ABRAXAS2: variants seen among roughly 807,000 people sequenced by gnomAD.
The protein encoded by ABRAXAS2 is BRISC complex subunit Abraxas 2.
Under a neutral mutation model 49.0 loss-of-function variants are expected in ABRAXAS2, and 23 were observed. That is an observed-to-expected ratio of 0.47 (90% CI 0.34 to 0.66). ABRAXAS2 has a LOEUF of 0.66. Ranked by LOEUF, ABRAXAS2 falls within the 30% of genes least tolerant of loss-of-function variation. ABRAXAS2 has a pLI of 0.01. For missense variants in ABRAXAS2, 443 were observed against 511.9 expected (o/e 0.87, Z 1.30); for synonymous variants, 168 against 180.2 (o/e 0.93, Z 0.54).
chr10:124,810,184 G>T (rs989258145), intron 2 of ABRAXAS2, among the ~76,000 whole-genome samples: 40 of 152,246 alleles, frequency 2.6e-4, no homozygotes, highest in African/African-American at 8.9e-4. Context: ...TGCCCTGGTG[G>T]ATCAAAACTA....
At chr10:124,820,311 G>A (rs1950854461) in intron 4 of ABRAXAS2, among the ~76,000 whole-genome samples, 1 of 152,132 alleles carries the variant, frequency 6.6e-6, no homozygotes, top group Non-Finnish European at 1.5e-5. Context: ...AACCAGGAAG[G>A]GGTGTTAAAG....
intron 4 of ABRAXAS2, among the ~76,000 whole-genome samples, chr10:124,823,821 C>T (rs1175625790): frequency 6.6e-6 from 1 of 152,196 alleles, no homozygotes. Flanking sequence ...CTAGTTTGTT[C>T]GTTAGCTCTA....
intron 1 of ABRAXAS2, among the ~76,000 whole-genome samples, 181 bp from the exon 2 acceptor site, chr10:124,806,650 A>G (rs577423547): frequency 7.2e-5 from 11 of 152,038 alleles, no homozygotes; most frequent in African/African-American, 2.7e-4. Context: ...GAACAATCCA[A>G]TTAATAGATA....
rs900549242 is a variant in ABRAXAS2, at chr10:124,816,091, C to T, written c.164-485C>T. Among the ~76,000 whole-genome samples, 8 of 151,750 alleles carry T rather than the reference C, an allele frequency of 5.3e-5. No homozygotes were observed. In the South Asian group the frequency reaches 8.3e-4, roughly 16 times the overall value. On this transcript the variant is annotated intron_variant, in intron 2 of 8. Transcript: ENST00000298492. The stretch of plus-strand genomic sequence containing the variant: ...CTAATTTTTGTATTTTTAGTAGAGA[C>T]GGGGTTTCACCATGTTGGCCAGACT...
chr10:124,810,688 T>C (rs537298202), intron 2 of ABRAXAS2, among the ~76,000 whole-genome samples: 3 of 151,304 alleles, frequency 2.0e-5, no homozygotes, highest in African/African-American at 7.3e-5. Context: ...GTTCGAGTGA[T>C]TGTCCTGCTT....
chr10:124,803,605 C>A (rs1198496505), intron 1 of ABRAXAS2, among the ~76,000 whole-genome samples: 1 of 152,166 alleles, frequency 6.6e-6, no homozygotes, highest in African/African-American at 2.4e-5. Flanking sequence ...ATAAAAGATT[C>A]AAGTGACTCT....
intron 2 of ABRAXAS2, among the ~76,000 whole-genome samples, chr10:124,816,250 T>G (rs1261506689): frequency 6.6e-6 from 1 of 152,194 alleles, no homozygotes; most frequent in Non-Finnish European, 1.5e-5. Context: ...AGTCAGTGGT[T>G]GCTTTTTCCC....
chr10:124,805,600 A>G (rs1030188138), intron 1 of ABRAXAS2, among the ~76,000 whole-genome samples: 1 of 152,220 alleles, frequency 6.6e-6, no homozygotes, highest in African/African-American at 2.4e-5. Flanking sequence ...TGGAGTTTAC[A>G]TTCTGGCAAG....
chr10:124,820,309 A>G (rs1000724174), intron 4 of ABRAXAS2, among the ~76,000 whole-genome samples: 1 of 152,168 alleles, frequency 6.6e-6, no homozygotes, highest in African/African-American at 2.4e-5. Flanking sequence ...CCAACCAGGA[A>G]GGGGTGTTAA....
chr10:124,802,081 GC>G (rs1950708724), intron 1 of ABRAXAS2, among the ~76,000 whole-genome samples, 180 bp downstream of exon 1: 1 of 152,146 alleles, frequency 6.6e-6, no homozygotes, highest in African/African-American at 2.4e-5. Context: ...GGGCTCCTTC[GC>G]CCCTGGGACA....
intron 1 of ABRAXAS2, among the ~76,000 whole-genome samples, chr10:124,802,587 C>G (rs1233983018): frequency 6.6e-6 from 1 of 152,142 alleles, no homozygotes; most frequent in Admixed American, 6.5e-5. Context: ...TGTGAGCCCA[C>G]AGGAGGAGCA....
chr10:124,811,817 C>G (rs1198239685), intron 2 of ABRAXAS2, among the ~76,000 whole-genome samples: 1 of 151,830 alleles, frequency 6.6e-6, no homozygotes, highest in East Asian at 1.9e-4. Flanking sequence ...CTTTTGTTGC[C>G]CAGGCTGGAA....
In ABRAXAS2 at chr10:124,834,796, TTCC is replaced by T; in HGVS notation, c.1080_1082del (p.Pro361del). On this transcript the variant is annotated inframe_deletion, in exon 9 of 9. Transcript: ENST00000298492. ...AAGTATCCTGGAAGTGGGGCTGACC[TTCC>T]TCCTCCCCAAAGAGCAGCTGGAGAC... The T allele has an allele frequency of 6.2e-7, 1 of 1,614,126 alleles. No homozygotes were observed. Among genetic ancestry groups the T allele is most frequent in the Non-Finnish European group, 8.5e-7 (1 of 1,180,030 alleles).
At chr10:124,826,837 G>C (rs1369086500) in intron 5 of ABRAXAS2, 52 bp downstream of exon 5, 1 of 1,570,320 alleles carries the variant, frequency 6.4e-7, no homozygotes, top group Admixed American at 1.7e-5. Flanking sequence ...GTTGGGACCA[G>C]GCGTGGTGGC....
At position 124,810,361 on chromosome 10, in the gene ABRAXAS2, A is replaced by G. The variant is rs1415983858; in HGVS notation, c.163+3440A>G. On this transcript the variant is annotated intron_variant, in intron 2 of 8. Transcript: ENST00000298492. ...GGCAAGGTGGCGAGACCCTGTCTCT[A>G]CAAGAAATTTTTATAATTAGCCAGG... Among the ~76,000 whole-genome samples the G allele has an allele frequency of 2.0e-5, 3 of 152,146 alleles. No individual in the cohort carries two copies. The East Asian group carries it at 5.8e-4, about 29-fold the overall frequency.
intron 8 of ABRAXAS2, among the ~76,000 whole-genome samples, chr10:124,831,971 G>A (rs1950936626): frequency 6.7e-6 from 1 of 148,750 alleles, no homozygotes; most frequent in Non-Finnish European, 1.5e-5. Flanking sequence ...TCCTGCCTCA[G>A]TCTCCCGAGT....
At chr10:124,825,865 A>G (rs1276763877) in intron 4 of ABRAXAS2, among the ~76,000 whole-genome samples, 1 of 152,168 alleles carries the variant, frequency 6.6e-6, no homozygotes, top group Non-Finnish European at 1.5e-5. Context: ...GATTCTGCAG[A>G]TTTGGGTGGG....
intron 2 of ABRAXAS2, among the ~76,000 whole-genome samples, chr10:124,809,351 G>C (rs1164979189): frequency 6.6e-6 from 1 of 151,444 alleles, no homozygotes; most frequent in East Asian, 2.0e-4. Context: ...GGGCAGTGGC[G>C]TCAGCTCACT....
At chr10:124,833,233 G>A (rs1313381280) in intron 8 of ABRAXAS2, among the ~76,000 whole-genome samples, 2 of 150,762 alleles carry the variant, frequency 1.3e-5, no homozygotes, top group African/African-American at 4.9e-5. Context: ...TTGGGAGGCC[G>A]AGGCAGGTGG....
Sources: gnomAD v4.1 joint callset for allele counts (sites outside exome capture counted in the v4.1 genomes callset) on GRCh38, gnomAD v4.1.1 for gene constraint, MANE v1.5 for transcripts, NCBI Gene and HGNC (gene_info 2026-07-23, HGNC 2026-07-21) for gene names.